Variants in PHF14 observed in about 807,000 individuals in gnomAD.
PHF14 encodes the protein PHD finger protein 14.
In PHF14, 55 loss-of-function variants were observed where a neutral mutation model predicts 117.9. The observed-to-expected ratio is 0.47, with a 90% CI of 0.38 to 0.58. The LOEUF is 0.58. Ranked by LOEUF, PHF14 falls within the 20% of genes least tolerant of loss-of-function variation. The pLI, the probability that PHF14 is intolerant of heterozygous loss-of-function variation, is 0.00. For synonymous variants in PHF14, 409 were observed against 368.6 expected (o/e 1.11, Z -1.26); for missense variants, 978 against 1,122.2 (o/e 0.87, Z 1.84).
intron 8 of PHF14, among the ~76,000 whole-genome samples, chr7:11,036,215 G>T (rs1431093430): frequency 6.6e-6 from 1 of 152,122 alleles, no homozygotes; most frequent in Non-Finnish European, 1.5e-5. Flanking sequence ...AGTTAGGACA[G>T]TTGTTACTAG....
At chr7:11,103,852 G>A in intron 16 of PHF14, 1 of 981,114 alleles carries the variant, frequency 1.0e-6, no homozygotes, top group Non-Finnish European at 1.2e-6. Flanking sequence ...CAGATTATTA[G>A]CTTATTGAAA....
chr7:11,015,742 C>T (rs896570486), intron 5 of PHF14, among the ~76,000 whole-genome samples: 2 of 151,876 alleles, frequency 1.3e-5, no homozygotes, highest in South Asian at 2.1e-4. Context: ...ACTGCCGTTA[C>T]TGCTGCTACT....
At chr7:11,142,309 T>G (rs1788422746) in intron 17 of PHF14, among the ~76,000 whole-genome samples, 1 of 152,074 alleles carries the variant, frequency 6.6e-6, no homozygotes, top group Non-Finnish European at 1.5e-5. Context: ...CTTATAGTGA[T>G]ACACATAGCA....
intron 4 of PHF14, among the ~76,000 whole-genome samples, chr7:10,991,759 A>T (rs1316394828): frequency 1.8e-3 from 204 of 110,920 alleles, no homozygotes; most frequent in African/African-American, 2.4e-3. Flanking sequence ...TAATTTTTTA[A>T]TTTTTTTTTT....
intron 17 of PHF14, among the ~76,000 whole-genome samples, chr7:11,122,479 G>T (rs1282525652): frequency 7.1e-6 from 1 of 140,384 alleles, no homozygotes; most frequent in African/African-American, 2.7e-5. Context: ...TGTGTCAAAG[G>T]GTAGTGATTC....
At chr7:11,031,578 C>T (rs1174647585) in intron 7 of PHF14, among the ~76,000 whole-genome samples, 1 of 145,166 alleles carries the variant, frequency 6.9e-6, no homozygotes, top group Non-Finnish European at 1.5e-5. Context: ...CATAGCAGGA[C>T]CCCATCTCTA....
intron 6 of PHF14, among the ~76,000 whole-genome samples, chr7:11,026,679 C>G (rs920052195): frequency 6.8e-6 from 1 of 147,722 alleles, no homozygotes; most frequent in African/African-American, 2.5e-5. Context: ...TGTCCAGTTA[C>G]GTTATCTGAT....
chr7:11,018,407 G>A (rs1783603934), intron 5 of PHF14, among the ~76,000 whole-genome samples: 1 of 151,992 alleles, frequency 6.6e-6, no homozygotes, highest in Admixed American at 6.6e-5. Flanking sequence ...ATTTTTTGGT[G>A]TCGTCTTCAA....
chr7:11,159,329 A>G (rs929123432), intron 17 of PHF14, among the ~76,000 whole-genome samples: 1 of 152,046 alleles, frequency 6.6e-6, no homozygotes, highest in Non-Finnish European at 1.5e-5. Context: ...CAGGTTTGTT[A>G]CATAGGTAAA....
At chr7:11,157,910 C>A (rs1021527729) in intron 17 of PHF14, among the ~76,000 whole-genome samples, 2 of 152,094 alleles carry the variant, frequency 1.3e-5, no homozygotes, top group African/African-American at 4.8e-5. Flanking sequence ...AAATGTACTT[C>A]TAAATCATCT....
At chr7:11,157,978 AAG>A (rs1788917488) in intron 17 of PHF14, among the ~76,000 whole-genome samples, 3 of 152,144 alleles carry the variant, frequency 2.0e-5, no homozygotes, top group Non-Finnish European at 2.9e-5. Context: ...TTAGATTTAA[AAG>A]AGTTGTAAAA....
intron 14 of PHF14, among the ~76,000 whole-genome samples, chr7:11,059,133 A>G (rs1212601040): frequency 5.3e-5 from 8 of 152,176 alleles, no homozygotes; most frequent in Middle Eastern, 3.2e-3. Context: ...TGATTGAATC[A>G]CTAATTGGCA....
chr7:11,024,503 G>A (rs1187130709), intron 6 of PHF14, among the ~76,000 whole-genome samples: 2 of 152,138 alleles, frequency 1.3e-5, no homozygotes, highest in Non-Finnish European at 2.9e-5. Flanking sequence ...GCTTCTAAGG[G>A]CAGGCTGTCT....
chr7:10,974,441 C>T (rs546454504), intron 1 of PHF14, 117 bp downstream of exon 1: 6 of 868,582 alleles, frequency 6.9e-6, no homozygotes, highest in African/African-American at 1.7e-5. Context: ...ATTGGTGGAC[C>T]CTCGCCCTCC....
At chr7:10,998,935 A>G (rs2128312474) in intron 4 of PHF14, among the ~76,000 whole-genome samples, 1 of 152,312 alleles carries the variant, frequency 6.6e-6, no homozygotes, top group South Asian at 2.1e-4. Context: ...TTTTTAGGCC[A>G]GCACAGTAGT....
chr7:11,147,472 C>T (rs1041906279), intron 17 of PHF14, among the ~76,000 whole-genome samples: 3 of 152,070 alleles, frequency 2.0e-5, no homozygotes, highest in Non-Finnish European at 4.4e-5. Flanking sequence ...GTCTTTGGTC[C>T]CCATTACTCC....
At chr7:11,120,081 G>A (rs935883657) in intron 17 of PHF14, among the ~76,000 whole-genome samples, 2 of 151,878 alleles carry the variant, frequency 1.3e-5, no homozygotes, top group African/African-American at 2.4e-5. Flanking sequence ...TTAAATTGGC[G>A]GAGTTCTTAT....
At chr7:10,988,016 CAAAAAAA>C (rs60714759) in intron 3 of PHF14, among the ~76,000 whole-genome samples, 9 of 115,644 alleles carry the variant, frequency 7.8e-5, no homozygotes, top group African/African-American at 2.9e-4. Context: ...AACTCCTTCT[CAAAAAAA>C]AAAAAAAAAG....
At chr7:11,121,637 AG>A (rs1787755263) in intron 17 of PHF14, among the ~76,000 whole-genome samples, 1 of 152,228 alleles carries the variant, frequency 6.6e-6, no homozygotes, top group Non-Finnish European at 1.5e-5. Context: ...AAGTAAAATA[AG>A]GGTTACTTGG....
Sources: allele counts gnomAD v4.1 joint callset (sites outside exome capture counted in the v4.1 genomes callset), GRCh38; gene constraint gnomAD v4.1.1; transcripts MANE v1.5; gene names NCBI Gene and HGNC (gene_info 2026-07-23, HGNC 2026-07-21).